ISY1: variants seen among roughly 807,000 people sequenced by gnomAD.
ISY1 encodes the protein pre-mRNA-splicing factor ISY1 homolog.
A neutral mutation model predicts 54.4 loss-of-function variants in ISY1; 12 were observed. That is an observed-to-expected ratio of 0.22 (90% CI 0.14 to 0.36). The LOEUF is 0.36. Among genes scored for constraint, ISY1 ranks in the 10% least tolerant of loss-of-function variants. The pLI, the probability that ISY1 is intolerant of heterozygous loss-of-function variation, is 1.00. For missense variants in ISY1, 282 were observed against 342.2 expected (o/e 0.82, Z 1.39); for synonymous variants, 96 against 117.9 (o/e 0.81, Z 1.20).
At chr3:129,141,277 A>G (rs1422678346) in intron 6 of ISY1, among the ~76,000 whole-genome samples, 1 of 151,864 alleles carries the variant, frequency 6.6e-6, no homozygotes, top group Admixed American at 6.6e-5. Context: ...CTGTAATCCC[A>G]GCACTCTGGG....
intron 5 of ISY1, among the ~76,000 whole-genome samples, chr3:129,150,871 C>A (rs1218944335): frequency 6.6e-6 from 1 of 151,664 alleles, no homozygotes; most frequent in Non-Finnish European, 1.5e-5. Flanking sequence ...ACCTGTAATC[C>A]CAGTACTTTG....
intron 5 of ISY1, among the ~76,000 whole-genome samples, chr3:129,149,297 C>T (rs895412063): frequency 6.6e-6 from 1 of 151,236 alleles, no homozygotes; most frequent in Non-Finnish European, 1.5e-5. Flanking sequence ...GGTATGGTGA[C>T]ACATGCATGT....
chr3:129,144,031 G>C, intron 6 of ISY1: 1 of 227,158 alleles, frequency 4.4e-6, no homozygotes, highest in Non-Finnish European at 9.4e-6. Flanking sequence ...AATTTGGGTG[G>C]TGGAACTTAA....
Position 129,134,067 on chromosome 3 carries a change from C to G in ISY1, c.663+7G>C, listed in dbSNP as rs1936318444. On this transcript the variant is annotated splice_region_variant and intron_variant, in intron 9 of 10. Coordinates refer to ENST00000393295, the MANE Select transcript of ISY1 (RefSeq NM_020701.4). ...CAGTGAGTGCCAGAGGGGGCCAACC[C>G]CAATACCTCCTCCTCGGTGACTGCA... is the stretch of plus-strand genomic sequence containing the variant. The G allele has an allele frequency of 6.2e-7, 1 of 1,614,020 alleles. No individual in the cohort carries two copies. The highest frequency in any genetic ancestry group is 8.5e-7 in the Non-Finnish European group (1 of 1,179,992).
chr3:129,151,127 A>T (rs1210606209), intron 5 of ISY1, among the ~76,000 whole-genome samples: 2 of 148,138 alleles, frequency 1.4e-5, no homozygotes, highest in Non-Finnish European at 3.0e-5. Flanking sequence ...GTCTCAAAAA[A>T]AAATATATAT....
chr3:129,128,427 A>T lies in ISY1; in HGVS notation c.*1654T>A, dbSNP rs1233031036. 1 of 152,832 alleles carries T rather than the reference A, an allele frequency of 6.5e-6. No homozygotes were observed. The highest frequency in any genetic ancestry group is 1.5e-5 in the Non-Finnish European group (1 of 68,646). 9.5% of individuals were successfully genotyped at this position (152,832 alleles called of 1,614,324 possible). A position where few individuals can be genotyped will look rare whatever the true frequency, so the allele number is the denominator to read the frequency against. ...CCACCAAGCCCACCCACCTCCTGCCAGGGCCTCTGCCCCAGCCTCCTCCTG... is the reference window on the plus strand; with the variant it reads ...CCACCAAGCCCACCCACCTCCTGCCTGGGCCTCTGCCCCAGCCTCCTCCTG... On this transcript the variant is annotated 3_prime_UTR_variant, in exon 11 of 11. Transcript: ENST00000393295.
At chr3:129,147,833 T>A (rs1163615981) in intron 5 of ISY1, among the ~76,000 whole-genome samples, 1 of 152,214 alleles carries the variant, frequency 6.6e-6, no homozygotes, top group Non-Finnish European at 1.5e-5. Flanking sequence ...ATTCTGTTCC[T>A]ATAATTTTGC....
chr3:129,137,762 C>G (rs978712855), intron 7 of ISY1, among the ~76,000 whole-genome samples: 1 of 149,952 alleles, frequency 6.7e-6, no homozygotes, highest in Non-Finnish European at 1.5e-5. Context: ...AATACAAAAA[C>G]TTTGCCGGGC....
chr3:129,158,487 A>G (rs1937211077), intron 3 of ISY1, 21 bp downstream of exon 3: 2 of 1,613,172 alleles, frequency 1.2e-6, no homozygotes, highest in African/African-American at 2.7e-5. Context: ...TTTACAATTC[A>G]TGAGGAAGAT....
At chr3:129,140,716 G>A (rs534698385) in intron 6 of ISY1, among the ~76,000 whole-genome samples, 37 of 151,886 alleles carry the variant, frequency 2.4e-4, no homozygotes, top group Non-Finnish European at 3.8e-4. Context: ...GATTACAGGT[G>A]CGTGCCACCA....
intron 5 of ISY1, among the ~76,000 whole-genome samples, chr3:129,154,439 CAAAAAAAAA>C (rs58548903): frequency 9.0e-5 from 3 of 33,410 alleles, no homozygotes; most frequent in Admixed American, 3.8e-4. Context: ...GACTCCATCT[CAAAAAAAAA>C]AAAAAAAAAA....
At chr3:129,133,925 A>G in intron 9 of ISY1, 149 bp downstream of exon 9, 1 of 1,392,998 alleles carries the variant, frequency 7.2e-7, no homozygotes, top group South Asian at 1.4e-5. Context: ...CCCTCCTGTA[A>G]TCTCGCAAGT....
At chr3:129,153,627 C>CA (rs1032137707) in intron 5 of ISY1, among the ~76,000 whole-genome samples, 171 of 149,624 alleles carry the variant, frequency 1.1e-3, no homozygotes, top group Non-Finnish European at 1.9e-3. Flanking sequence ...ACTAAAAATA[C>CA]AAAAAAAAAT....
intron 6 of ISY1, among the ~76,000 whole-genome samples, chr3:129,143,505 CAAAA>C (rs1360448569): frequency 1.6e-5 from 1 of 62,484 alleles, no homozygotes; most frequent in African/African-American, 6.0e-5. Context: ...GACTCTGTCT[CAAAA>C]AAAAAAAAAA....
At chr3:129,151,667 TAA>T (rs1000389974) in intron 5 of ISY1, among the ~76,000 whole-genome samples, 1 of 152,188 alleles carries the variant, frequency 6.6e-6, no homozygotes, top group African/African-American at 2.4e-5. Flanking sequence ...TATGTTACAA[TAA>T]AGACAGTTTT....
intron 8 of ISY1, 139 bp from the exon 9 acceptor site, chr3:129,134,334 G>A (rs1936329213): frequency 2.0e-6 from 3 of 1,477,358 alleles, no homozygotes; most frequent in Non-Finnish European, 2.7e-6. Flanking sequence ...GCCCCCGTGG[G>A]TGGAAATGGA....
At chr3:129,133,609 G>C (rs1458395538) in intron 9 of ISY1, among the ~76,000 whole-genome samples, 1 of 152,228 alleles carries the variant, frequency 6.6e-6, no homozygotes, top group African/African-American at 2.4e-5. Context: ...CAGAAGAATT[G>C]CTTGAACCCG....
In ISY1 at chr3:129,134,185, C is replaced by G. The variant is rs777364741; in HGVS notation, c.552G>C (p.Glu184Asp). Residue 184 changes from glutamate (E) to aspartate (D), a missense_variant, in exon 9 of 11, where the codon GAG (glutamate) becomes GAC (aspartate). Physicochemically the swap from Glu to Asp is conservative, Grantham distance 45 (BLOSUM62 2). Coordinates refer to ENST00000393295, the MANE Select transcript of ISY1 (RefSeq NM_020701.4). ...TCTCTGCTTTCCACTTTTCCACTAA[C>G]TCGGCTCTGACTGAACACAAGAGAG... The part of the protein sequence containing the change: ...EQEYEKKLRA[E>D]LVEKWKAERE... 2.5e-6 allele frequency: 4 copies of G among 1,614,082 alleles called. No homozygotes were observed. In the African/African-American group the frequency reaches 5.3e-5, roughly 22 times the overall value.
At chr3:129,145,651 C>G (rs1361312430) in intron 6 of ISY1, 110 bp downstream of exon 6, 1 of 1,007,586 alleles carries the variant, frequency 9.9e-7, no homozygotes, top group Non-Finnish European at 1.5e-6. Context: ...TCCTACCCAT[C>G]CTGTTCATAG....
Sources: allele counts gnomAD v4.1 joint callset (sites outside exome capture counted in the v4.1 genomes callset), GRCh38; gene constraint gnomAD v4.1.1; transcripts MANE v1.5; gene names NCBI Gene and HGNC (gene_info 2026-07-23, HGNC 2026-07-21).